Variants in ICOS observed in about 807,000 individuals in gnomAD.
The protein encoded by ICOS is inducible T cell costimulator, also known as inducible T-cell costimulator.
Under a neutral mutation model 24.6 loss-of-function variants are expected in ICOS, and 15 were observed. The ratio of observed to expected loss-of-function variants is 0.61; its 90% CI spans 0.41 to 0.94. The LOEUF (loss-of-function observed/expected upper bound fraction) is 0.94, where lower values mean the gene tolerates loss of function less well. Ranked by LOEUF, ICOS falls within the 40% of genes least tolerant of loss-of-function variation. The probability of loss-of-function intolerance (pLI) is 0.00; values close to 1 mark genes in which losing one functional copy is unlikely to be tolerated. For missense variants in ICOS, 200 were observed against 233.0 expected (o/e 0.86, Z 0.92); for synonymous variants, 89 against 77.5 (o/e 1.15, Z -0.78).
chr2:203,955,801 T>G lies in ICOS; in HGVS notation c.224T>G (p.Val75Gly). 1 of 1,613,856 alleles carries G rather than the reference T, an allele frequency of 6.2e-7. No homozygotes were observed. Among genetic ancestry groups the G allele is most frequent in the Middle Eastern group, 1.7e-4 (1 of 6,058 alleles). ...AAGACAAAAGGAAGTGGAAACACAG[T>G]GTCCATTAAGAGTCTGAAATTCTGC... ...LTKTKGSGNT[V>G]SIKSLKFCHS... The change falls in exon 2 of 5, where the codon GTG (valine) becomes GGG (glycine). Residue 75 changes from valine (V) to glycine (G), a missense_variant. Coordinates refer to ENST00000316386, the MANE Select transcript of ICOS (RefSeq NM_012092.4).
intron 1 of ICOS, among the ~76,000 whole-genome samples, chr2:203,945,135 C>T (rs1314689964): frequency 3.3e-5 from 5 of 151,966 alleles, no homozygotes. Context: ...GAGTGAAATG[C>T]TTTTCTGAAA....
intron 1 of ICOS, among the ~76,000 whole-genome samples, chr2:203,951,931 A>G (rs1689982305): frequency 6.6e-6 from 1 of 152,246 alleles, no homozygotes; most frequent in Admixed American, 6.5e-5. Context: ...TCATGCCAAC[A>G]GTTTTTTTTT....
chr2:203,955,619 T>C lies in ICOS; in HGVS notation c.59-17T>C, dbSNP rs1277097621. 1 of 1,593,550 alleles carries C rather than the reference T, an allele frequency of 6.3e-7. No homozygotes were observed. The highest frequency in any genetic ancestry group is 8.6e-7 in the Non-Finnish European group (1 of 1,161,558). ...ATAAAATGTCACTTTTGCTTTGTTT[T>C]CTTTCTTTTTATGCAGGAGAAATCA... On this transcript the variant is annotated splice_polypyrimidine_tract_variant and intron_variant, in intron 1 of 4. Coordinates refer to ENST00000316386, the MANE Select transcript of ICOS (RefSeq NM_012092.4).
chr2:203,945,971 A>G (rs1478259663), intron 1 of ICOS, among the ~76,000 whole-genome samples: 1 of 152,168 alleles, frequency 6.6e-6, no homozygotes, highest in African/African-American at 2.4e-5. Context: ...CACCCTGTCC[A>G]TGTGCCCAAG....
intron 1 of ICOS, among the ~76,000 whole-genome samples, chr2:203,942,950 A>G (rs187838670): frequency 1.3e-5 from 2 of 152,302 alleles, no homozygotes; most frequent in African/African-American, 4.8e-5. Flanking sequence ...TATTGCTGAG[A>G]CTTTCCAGAG....
At chr2:203,939,435 T>C (rs948681276) in intron 1 of ICOS, among the ~76,000 whole-genome samples, 4 of 151,990 alleles carry the variant, frequency 2.6e-5, no homozygotes, top group Admixed American at 2.0e-4. Context: ...CTACGAAAAA[T>C]GTGAATGTCT....
chr2:203,941,031 A>ACCTCCG (rs776792495), intron 1 of ICOS, among the ~76,000 whole-genome samples: 229 of 151,792 alleles, frequency 1.5e-3, no homozygotes, highest in South Asian at 4.8e-3. Context: ...TGATCCGCCC[A>ACCTCCG]CCTCCGCCTC....
intron 1 of ICOS, among the ~76,000 whole-genome samples, chr2:203,944,707 T>C (rs1689839389): frequency 6.6e-6 from 1 of 152,328 alleles, no homozygotes; most frequent in South Asian, 2.1e-4. Flanking sequence ...GTGGAGCTCA[T>C]GGTTAAATGA....
At chr2:203,947,635 A>G (rs1025823026) in intron 1 of ICOS, among the ~76,000 whole-genome samples, 4 of 152,222 alleles carry the variant, frequency 2.6e-5, no homozygotes, top group African/African-American at 9.6e-5. Flanking sequence ...AGCAGTTAAC[A>G]GTCTTGAGCC....
At position 203,937,376 on chromosome 2, in the gene ICOS, A is replaced by G. The variant is rs576797419; in HGVS notation, c.58+504A>G. Among the ~76,000 whole-genome samples, 3 of 152,312 alleles carry G rather than the reference A, an allele frequency of 2.0e-5. No individual in the cohort carries two copies. In the East Asian group the frequency reaches 5.8e-4, roughly 29 times the overall value. On this transcript the variant is annotated intron_variant, in intron 1 of 4. Transcript: ENST00000316386. ...CATAGAGTTTTTATTGACACTAAGT[A>G]TCAGAGTTCACCCTAAAAAGCCAAG...
intron 4 of ICOS, among the ~76,000 whole-genome samples, chr2:203,958,634 G>A (rs1690118627): frequency 6.6e-6 from 1 of 152,080 alleles, no homozygotes; most frequent in Admixed American, 6.6e-5. Context: ...TTATCTAAAG[G>A]GGACACACAT....
At chr2:203,943,239 A>T (rs1321694604) in intron 1 of ICOS, among the ~76,000 whole-genome samples, 1 of 151,936 alleles carries the variant, frequency 6.6e-6, no homozygotes, top group African/African-American at 2.4e-5. Flanking sequence ...TTGTTTTGTC[A>T]TATTACCAGA....
chr2:203,953,746 T>A (rs1306189374), intron 1 of ICOS, among the ~76,000 whole-genome samples: 2 of 152,148 alleles, frequency 1.3e-5, no homozygotes, highest in East Asian at 3.8e-4. Context: ...CTGAAAATAA[T>A]CCCAATATCC....
intron 1 of ICOS, among the ~76,000 whole-genome samples, chr2:203,955,324 A>C (rs551626481): frequency 6.6e-6 from 1 of 152,132 alleles, no homozygotes; most frequent in Non-Finnish European, 1.5e-5. Context: ...TGCCTCCAAT[A>C]TGAAAGCTAC....
chr2:203,949,433 T>C (rs989659676), intron 1 of ICOS, among the ~76,000 whole-genome samples: 9 of 152,200 alleles, frequency 5.9e-5, no homozygotes, highest in Non-Finnish European at 1.3e-4. Flanking sequence ...ATTTAATCTG[T>C]CTGGGCCTTC....
chr2:203,941,074 G>A lies in ICOS; in HGVS notation c.58+4202G>A, dbSNP rs143617124. On this transcript the variant is annotated intron_variant, in intron 1 of 4. Coordinates refer to ENST00000316386, the MANE Select transcript of ICOS (RefSeq NM_012092.4). The stretch of plus-strand genomic sequence containing the variant: ...GCCTCCCAAAGTGCTGGGATTACAG[G>A]CGTGAGCCACCGCGCCCCGCTGTTC... Among the ~76,000 whole-genome samples the A allele has an allele frequency of 3.1e-3, 478 of 152,192 alleles. 6 individuals carry two copies. The highest frequency in any genetic ancestry group is 0.011 in the African/African-American group (457 of 41,568).
chr2:203,938,300 A>G (rs1482516273), intron 1 of ICOS, among the ~76,000 whole-genome samples: 1 of 152,210 alleles, frequency 6.6e-6, no homozygotes, highest in African/African-American at 2.4e-5. Flanking sequence ...CAAGGTAGCA[A>G]TCAATGGGGA....
At chr2:203,956,146 T>C (rs1690075426) in intron 2 of ICOS, among the ~76,000 whole-genome samples, 175 bp downstream of exon 2, 1 of 152,206 alleles carries the variant, frequency 6.6e-6, no homozygotes, top group African/African-American at 2.4e-5. Context: ...CTATTAATCA[T>C]AATTAGTATT....
intron 4 of ICOS, among the ~76,000 whole-genome samples, chr2:203,958,261 G>A (rs1224061480): frequency 6.6e-6 from 1 of 152,328 alleles, no homozygotes; most frequent in African/African-American, 2.4e-5. Flanking sequence ...GAGTTACTGA[G>A]TGAGGCACTC....
Sources: allele counts gnomAD v4.1 joint callset (sites outside exome capture counted in the v4.1 genomes callset), GRCh38; gene constraint gnomAD v4.1.1; transcripts MANE v1.5; gene names NCBI Gene and HGNC (gene_info 2026-07-23, HGNC 2026-07-21).